Variants in PLCE1 observed in about 807,000 individuals in gnomAD.
PLCE1 encodes phospholipase C epsilon 1.
A neutral mutation model predicts 242.8 loss-of-function variants in PLCE1; 119 were observed. That is an observed-to-expected ratio of 0.49 (90% CI 0.42 to 0.57). The LOEUF (loss-of-function observed/expected upper bound fraction) is 0.57, where lower values mean the gene tolerates loss of function less well. PLCE1 is among the 20% of genes least tolerant of loss of function. PLCE1 has a pLI of 0.00. For synonymous variants in PLCE1, 945 were observed against 1,017.4 expected, an observed-to-expected ratio of 0.93 and a Z score of 1.35; for missense variants, 2,441 against 2,788.8, an observed-to-expected ratio of 0.88 and a Z score of 2.81.
chr10:94,171,618 A>G, intron 4 of PLCE1, 122 bp downstream of exon 4: 1 of 799,684 alleles, frequency 1.3e-6, no homozygotes, highest in East Asian at 2.5e-5. Context: ...TGCCACTTCC[A>G]TGATGGCTGT....
At position 94,031,270 on chromosome 10, in the gene PLCE1, T is replaced by C. The variant is rs367762397; in HGVS notation, c.224T>C (p.Ile75Thr). The C allele has an allele frequency of 4.1e-5, 66 of 1,613,700 alleles. No individual in the cohort carries two copies. Among genetic ancestry groups the C allele is most frequent in the Non-Finnish European group, 5.5e-5 (65 of 1,179,872 alleles). ...AGCAACTTGCCAAAGATTCTCTCAATAGCGAGGGAGAAAATAGTGAGTGAT... is the reference window on the plus strand; with the variant it reads ...AGCAACTTGCCAAAGATTCTCTCAACAGCGAGGGAGAAAATAGTGAGTGAT... ...SGSNLPKILSIAREKIVSDEN... is the reference protein window; with the variant it reads ...SGSNLPKILSTAREKIVSDEN... Residue 75 changes from isoleucine (I) to threonine (T), a missense_variant, in exon 2 of 33, where the codon ATA (isoleucine) becomes ACA (threonine). Transcript: ENST00000371380.
intron 3 of PLCE1, among the ~76,000 whole-genome samples, chr10:94,157,211 G>A (rs1052756317): frequency 6.6e-6 from 1 of 152,164 alleles, no homozygotes; most frequent in Admixed American, 6.5e-5. Flanking sequence ...TGAAATGGTT[G>A]GAAATATGAC....
chr10:94,236,218 A>C, intron 7 of PLCE1, 98 bp downstream of exon 7: 1 of 930,542 alleles, frequency 1.1e-6, no homozygotes, highest in Non-Finnish European at 1.7e-6. Context: ...TGGACACCTC[A>C]TCAAAACCTG....
At chr10:94,324,239 C>T in intron 30 of PLCE1, 110 bp from the exon 31 acceptor site, 1 of 829,974 alleles carries the variant, frequency 1.2e-6, no homozygotes, top group Admixed American at 1.7e-5. Flanking sequence ...CTGGAAGATC[C>T]CCTTCATCTC....
intron 29 of PLCE1, among the ~76,000 whole-genome samples, chr10:94,319,864 CTTTTTTT>C (rs58610099): frequency 0.013 from 1,162 of 92,926 alleles, 31 homozygotes; most frequent in African/African-American, 0.039. Flanking sequence ...CAAAGGTGCT[CTTTTTTT>C]TTTTTTTTTT....
chr10:94,129,079 C>A (rs915918711), intron 2 of PLCE1, among the ~76,000 whole-genome samples: 1 of 152,186 alleles, frequency 6.6e-6, no homozygotes, highest in African/African-American at 2.4e-5. Context: ...ACATTAGGCA[C>A]TTGTTGGCAC....
intron 13 of PLCE1, 101 bp downstream of exon 13, chr10:94,259,251 G>A (rs770231452): frequency 5.6e-4 from 642 of 1,151,290 alleles, no homozygotes; most frequent in Non-Finnish European, 8.0e-4. Context: ...CACATAGTGT[G>A]CTATTACTGC....
intron 2 of PLCE1, among the ~76,000 whole-genome samples, chr10:94,111,489 C>A (rs2045954275): frequency 6.6e-6 from 1 of 152,200 alleles, no homozygotes; most frequent in African/African-American, 2.4e-5. Context: ...TGACAGGGAA[C>A]AGGATTGTCC....
chr10:94,273,034 C>T (rs2051806928), intron 18 of PLCE1, among the ~76,000 whole-genome samples: 1 of 152,012 alleles, frequency 6.6e-6, no homozygotes, highest in Non-Finnish European at 1.5e-5. Context: ...TTGATATAAG[C>T]ATTGTGTCTG....
chr10:94,227,276 T>C (rs1480340453), intron 4 of PLCE1, 30 bp from the exon 5 acceptor site: 1 of 1,611,340 alleles, frequency 6.2e-7, no homozygotes. Flanking sequence ...TAGGACATAA[T>C]TCCCGTGAAT....
chr10:94,160,463 G>T (rs1277906418), intron 3 of PLCE1, among the ~76,000 whole-genome samples: 1 of 152,134 alleles, frequency 6.6e-6, no homozygotes. Context: ...TTTTGATGGG[G>T]TTGTTTCTTT....
intron 20 of PLCE1, chr10:94,283,018 T>C (rs2052299473): frequency 6.6e-6 from 1 of 152,264 alleles, no homozygotes. Context: ...TTTGGTCTAA[T>C]CGTTTGTGCT....
intron 8 of PLCE1, among the ~76,000 whole-genome samples, chr10:94,248,649 G>A (rs2050772464): frequency 6.7e-6 from 1 of 148,896 alleles, no homozygotes; most frequent in Non-Finnish European, 1.5e-5. Flanking sequence ...GGCACAGGGA[G>A]CTTTCAGTGT....
In PLCE1 at chr10:94,294,764, G is replaced by A. The variant is rs1486171847; in HGVS notation, c.5167+1125G>A. Reference sequence around the variant, plus strand: ...CGTTGATGGCTGCTGATTCATCAGGGGGGTGGTTGCTGAAGGCTAGGGTGT... The same window carrying A: ...CGTTGATGGCTGCTGATTCATCAGGAGGGTGGTTGCTGAAGGCTAGGGTGT... On this transcript the variant is annotated intron_variant, in intron 23 of 32. Transcript: ENST00000371380. Among the ~76,000 whole-genome samples the A allele has an allele frequency of 7.2e-5, 11 of 152,218 alleles. No homozygotes were observed. In the East Asian group the frequency reaches 9.7e-4, roughly 13 times the overall value.
rs1261856507 is a variant in PLCE1, at chr10:94,236,108, A to G, written c.2408A>G (p.Lys803Arg). The change falls in exon 7 of 33, where the codon AAA becomes AGA. Residue 803 changes from lysine to arginine, a missense_variant. Around this residue, in one of 5 missense-constraint regions of PLCE1, gnomAD observed 733 missense variants for 754.2 expected, o/e 0.97. Coordinates refer to ENST00000371380, the MANE Select transcript of PLCE1 (RefSeq NM_016341.4). ...TCCAGGAAAAGCTCCTTGAAGGATA[A>G]AAGCCGATGGCAGTAAGTTTTACAC... Reference protein sequence around the residue: ...NSSRKSSLKDKSRWQFIIGDL... With the variant: ...NSSRKSSLKDRSRWQFIIGDL... The G allele has an allele frequency of 1.2e-6, 2 of 1,613,404 alleles. No individual in the cohort carries two copies. Among genetic ancestry groups the G allele is most frequent in the Non-Finnish European group, 1.7e-6 (2 of 1,179,722 alleles).
At chr10:94,027,910 A>T (rs933216328) in intron 1 of PLCE1, among the ~76,000 whole-genome samples, 4 of 152,182 alleles carry the variant, frequency 2.6e-5, no homozygotes, top group African/African-American at 9.6e-5. Context: ...TAGCTAGAAG[A>T]CATCAGAAAC....
chr10:94,153,640 C>T (rs985121822), intron 3 of PLCE1, among the ~76,000 whole-genome samples: 1 of 152,024 alleles, frequency 6.6e-6, no homozygotes, highest in Admixed American at 6.5e-5. Context: ...ATAGACAATC[C>T]TAAGGAATCC....
In PLCE1 at chr10:94,306,608, T is replaced by C; in HGVS notation, c.5804T>C (p.Phe1935Ser). Residue 1935 changes from phenylalanine to serine, a missense_variant, in exon 26 of 33, where the codon TTT becomes TCT. Phe to Ser is a radical substitution (Grantham distance 155). This residue lies in a region of PLCE1 where 1,004 missense variants were observed against 1,322.7 expected (regional missense o/e 0.76). Coordinates refer to ENST00000371380, the MANE Select transcript of PLCE1 (RefSeq NM_016341.4). The surrounding 1 kb of genome is among the most constrained non-coding windows in gnomAD (Gnocchi z 5.7). ...CACGTTCACTTCGAAGATCTTGTATTTCTTCGTTTTGCAGTTGTGGAAAAC... is the reference window on the plus strand; with the variant it reads ...CACGTTCACTTCGAAGATCTTGTATCTCTTCGTTTTGCAGTTGTGGAAAAC... ...LFHVHFEDLVFLRFAVVENNS... is the reference protein window; with the variant it reads ...LFHVHFEDLVSLRFAVVENNS... 6.2e-7 allele frequency: 1 copy of C among 1,614,048 alleles called. No homozygotes were observed. Among genetic ancestry groups the C allele is most frequent in the Non-Finnish European group, 8.5e-7 (1 of 1,179,892 alleles).
At chr10:94,118,324 T>C (rs1396633430) in intron 2 of PLCE1, among the ~76,000 whole-genome samples, 2 of 152,138 alleles carry the variant, frequency 1.3e-5, no homozygotes, top group African/African-American at 4.8e-5. Context: ...GTGATAACTT[T>C]CCCATACTCC....
Sources: gnomAD v4.1 joint callset for allele counts (sites outside exome capture counted in the v4.1 genomes callset) on GRCh38, gnomAD v4.1.1 for gene constraint, gnomAD v4.1.1 regional missense constraint, Gnocchi (gnomAD v3.1) non-coding constraint, MANE v1.5 for transcripts, NCBI Gene and HGNC (gene_info 2026-07-23, HGNC 2026-07-21) for gene names.